TTC19: variants seen among roughly 807,000 people sequenced by gnomAD.
TTC19 encodes the protein tetratricopeptide repeat domain 19.
In TTC19, 38 loss-of-function variants were observed where a neutral mutation model predicts 49.5. The ratio of observed to expected loss-of-function variants is 0.77; its 90% CI spans 0.59 to 1.01. The LOEUF (loss-of-function observed/expected upper bound fraction) is 1.01. Ranked by LOEUF, TTC19 falls within the 50% of genes least tolerant of loss-of-function variation. TTC19 has a pLI of 0.00. For synonymous variants in TTC19, 204 were observed against 185.2 expected (o/e 1.10, Z -0.83); for missense variants, 475 against 477.7 (o/e 0.99, Z 0.05).
At position 16,040,341 on chromosome 17, in the gene TTC19, G is replaced by C. The variant is rs1397627096; in HGVS notation, c.248-4162G>C. The stretch of plus-strand genomic sequence containing the variant: ...TTATTTATTTTTCCATATTAGAGCA[G>C]TCACTCCCCTGGTATACAGTTGGTA... On this transcript the variant is annotated intron_variant, in intron 2 of 2. Transcript: ENST00000470649. 7 of 970,140 alleles carry C rather than the reference G, an allele frequency of 7.2e-6. No individual in the cohort carries two copies. The South Asian group carries it at 9.3e-5, about 13-fold the overall frequency. 60.1% of individuals were successfully genotyped at this position (970,140 alleles called of 1,614,324 possible). A position where few individuals can be genotyped will look rare whatever the true frequency, so the allele number is the denominator to read the frequency against.
chr17:16,041,412 T>C (rs1195403585), intron 2 of TTC19: 1 of 147,956 alleles, frequency 6.8e-6, no homozygotes, highest in African/African-American at 2.5e-5. Context: ...TTCTTTTTTT[T>C]TTTTTTTTTT....
chr17:16,023,226 T>A (rs1371007256), intron 7 of TTC19: 1 of 152,230 alleles, frequency 6.6e-6, no homozygotes, highest in Non-Finnish European at 1.5e-5. Flanking sequence ...TTTTAAGATA[T>A]TATAGCTAAA....
At chr17:16,044,340 T>C (rs192814282) in intron 2 of TTC19, 7 of 468,328 alleles carry the variant, frequency 1.5e-5, no homozygotes, top group Admixed American at 1.4e-4. Context: ...CATCCTTTTT[T>C]CCTTGGTGTT....
chr17:16,000,659 C>T (rs1597447503), intron 2 of TTC19, among the ~76,000 whole-genome samples: 1 of 152,268 alleles, frequency 6.6e-6, no homozygotes, highest in East Asian at 1.9e-4. Context: ...TCTCCACATC[C>T]TTTTCTATTT....
At chr17:16,002,967 T>C in intron 4 of TTC19, 136 bp downstream of exon 4, 1 of 857,920 alleles carries the variant, frequency 1.2e-6, no homozygotes, top group East Asian at 2.6e-5. Flanking sequence ...TAAAAGTGTA[T>C]TTCTCTTTAT....
chr17:16,019,218 C>T (rs1486796327), intron 7 of TTC19, among the ~76,000 whole-genome samples: 4 of 152,080 alleles, frequency 2.6e-5, no homozygotes, highest in Middle Eastern at 3.2e-3. Flanking sequence ...CTGTAATCCC[C>T]ACTACTCGGG....
At chr17:16,034,981 A>T in intron 2 of TTC19, 1 of 1,588,094 alleles carries the variant, frequency 6.3e-7, no homozygotes, top group South Asian at 1.1e-5. Context: ...TTAATATATT[A>T]AGTTCTCAAA....
At chr17:16,035,090 T>A in intron 2 of TTC19, 1 of 747,358 alleles carries the variant, frequency 1.3e-6, no homozygotes. Flanking sequence ...AATAAAATAC[T>A]ACAGGCATAC....
At chr17:16,015,334 C>T (rs935597611) in intron 7 of TTC19, among the ~76,000 whole-genome samples, 16 of 151,894 alleles carry the variant, frequency 1.1e-4, no homozygotes, top group African/African-American at 3.9e-4. Context: ...AAAACATAAA[C>T]ATTAATAAAT....
chr17:16,035,534 T>C (rs1974248719), intron 2 of TTC19, among the ~76,000 whole-genome samples: 1 of 148,702 alleles, frequency 6.7e-6, no homozygotes, highest in Non-Finnish European at 1.5e-5. Flanking sequence ...CTTGTTCTTT[T>C]TTTTTTTTTT....
intron 9 of TTC19, chr17:16,027,054 G>A (rs1402158731): frequency 2.0e-5 from 10 of 507,888 alleles, no homozygotes; most frequent in Non-Finnish European, 3.2e-5. Context: ...GTATCATTTT[G>A]TCAGACATTT....
rs747300891 is a variant in TTC19, at chr17:16,025,003, T to C, written c.677-14T>C. 6.2e-7 allele frequency: 1 copy of C among 1,613,806 alleles called. No homozygotes were observed. Reference sequence around the variant, plus strand: ...CCATTTGGGTAGATTTGCTGATTCCTCTTTTCTCCTTAGTGGAAGAGAAAG... The same window carrying C: ...CCATTTGGGTAGATTTGCTGATTCCCCTTTTCTCCTTAGTGGAAGAGAAAG... On this transcript the variant is annotated splice_polypyrimidine_tract_variant and intron_variant, in intron 7 of 9. Coordinates refer to ENST00000261647, the MANE Select transcript of TTC19 (RefSeq NM_017775.4).
rs928464591 is a variant in TTC19 at position 16,028,726 on chromosome 17, C to CT, written c.*1208dup. The CT allele has an allele frequency of 2.3e-6, 1 of 436,340 alleles. No individual in the cohort carries two copies. The highest frequency in any genetic ancestry group is 2.3e-5 in the African/African-American group (1 of 43,616). The allele number at this position is 436,340 out of a possible 1,614,324, so 27.0% of individuals were successfully genotyped here. A position where few individuals can be genotyped will look rare whatever the true frequency, so the allele number is the denominator to read the frequency against. ...TGTGAGTGGGACTGATAAACTGATA[C>CT]TTTTGGTTCGTATGTACATACTGGA... On this transcript the variant is annotated 3_prime_UTR_variant, in exon 10 of 10. Transcript: ENST00000261647.
At position 16,003,795 on chromosome 17, in the gene TTC19, C is replaced by T. The variant is rs368404558; in HGVS notation, c.463-36C>T. On this transcript the variant is annotated intron_variant, in intron 4 of 9. Transcript: ENST00000261647. ...CATATATATATATATAAAATGGGGCCCAATTAAAAGAAAAATCTTTTCCTT... is the reference window on the plus strand; with the variant it reads ...CATATATATATATATAAAATGGGGCTCAATTAAAAGAAAAATCTTTTCCTT... 34 of 1,576,008 alleles carry T rather than the reference C, an allele frequency of 2.2e-5. No individual in the cohort carries two copies. The Middle Eastern group carries it at 5.0e-4, about 23-fold the overall frequency.
intron 2 of TTC19, among the ~76,000 whole-genome samples, chr17:16,041,952 G>A (rs147912585): frequency 2.0e-5 from 3 of 151,988 alleles, no homozygotes; most frequent in Non-Finnish European, 2.9e-5. Flanking sequence ...TAGCCAGGAT[G>A]GTCTTGATCT....
chr17:16,035,124 A>G (rs1477441295), intron 2 of TTC19, among the ~76,000 whole-genome samples: 2 of 152,226 alleles, frequency 1.3e-5, no homozygotes, highest in Non-Finnish European at 2.9e-5. Context: ...AGGGTTTAGT[A>G]AGTCACAATT....
chr17:16,044,818 T>C (rs1030284741), exon 3 of TTC19: 1 of 1,088,810 alleles, frequency 9.2e-7, no homozygotes, highest in African/African-American at 1.6e-5. Context: ...TAGGGGCTGG[T>C]GGACCTGCTC....
At chr17:16,026,498 G>T (rs756063964) in intron 8 of TTC19, 42 bp from the exon 9 acceptor site, 17 of 1,595,890 alleles carry the variant, frequency 1.1e-5, no homozygotes, top group Non-Finnish European at 1.5e-5. Flanking sequence ...TTCTGTGAAG[G>T]CATGTTTTTA....
rs774559428 is a variant in TTC19 at position 16,000,172 on chromosome 17, C to T, written c.239C>T (p.Ala80Val). 4.3e-5 allele frequency: 69 copies of T among 1,590,938 alleles called. No individual in the cohort carries two copies. The highest frequency in any genetic ancestry group is 5.7e-5 in the Non-Finnish European group (67 of 1,177,376). The change falls in exon 2 of 10, where the codon GCC becomes GTC. Residue 80 changes from alanine to valine, a missense_variant. Ala to Val is a moderately conservative substitution (Grantham distance 64, BLOSUM62 0). Coordinates refer to ENST00000261647, the MANE Select transcript of TTC19 (RefSeq NM_017775.4). ...GCAGAGGAGGAGGAGCAGCAGGGAG[C>T]CGACGGGGCCGCTGCCGAGGACGGG... ...AAAEEEEQQG[A>V]DGAAAEDGAD...
Sources: gnomAD v4.1 joint callset for allele counts (sites outside exome capture counted in the v4.1 genomes callset) on GRCh38, gnomAD v4.1.1 for gene constraint, MANE v1.5 for transcripts, NCBI Gene and HGNC (gene_info 2026-07-23, HGNC 2026-07-21) for gene names.